The following PAH variants were observed in gnomAD, a reference collection of about 807,000 sequenced individuals.
PAH encodes phenylalanine-4-hydroxylase.
Under a neutral mutation model 62.0 loss-of-function variants are expected in PAH, and 64 were observed. The observed-to-expected ratio is 1.03, with a 90% CI of 0.84 to 1.27. The LOEUF (loss-of-function observed/expected upper bound fraction) is 1.27, where lower values mean the gene tolerates loss of function less well. Among genes scored for constraint, PAH ranks in the 50% most tolerant of loss-of-function variants. The pLI is 0.00. For synonymous variants in PAH, 195 were observed against 196.2 expected (o/e 0.99, Z 0.05); for missense variants, 579 against 542.8 (o/e 1.07, Z -0.66).
At chr12:102,945,335 G>T (rs1879454478) in intron 1 of PAH, among the ~76,000 whole-genome samples, 1 of 152,208 alleles carries the variant, frequency 6.6e-6, no homozygotes, top group South Asian at 2.1e-4. Flanking sequence ...GGCAAAGCCA[G>T]CCAGGGTGAC....
In PAH at chr12:102,867,940, CAT is replaced by C. The variant is rs1565854368; in HGVS notation, c.442-1279_442-1278del. 9.7e-4 allele frequency among the ~76,000 whole-genome samples: 134 copies of C among 137,632 alleles called. 1 individual carries two copies. The highest frequency in any genetic ancestry group is 2.4e-3 in the South Asian group (10 of 4,198). The allele number at this position is 137,632 out of a possible 152,430, so 90.3% of individuals were successfully genotyped here. ...ATATACATATATAGATGTATATATA[CAT>C]GTATATACATATATAGATGTATATA... On this transcript the variant is annotated intron_variant, in intron 4 of 12. Transcript: ENST00000553106.
chr12:102,880,463 G>A (rs935497821), intron 3 of PAH, among the ~76,000 whole-genome samples: 1 of 152,138 alleles, frequency 6.6e-6, no homozygotes, highest in Non-Finnish European at 1.5e-5. Flanking sequence ...CAGGACCATG[G>A]ATAATCTCAT....
chr12:102,891,081 C>T (rs527709237), intron 3 of PAH, among the ~76,000 whole-genome samples: 114 of 152,048 alleles, frequency 7.5e-4, no homozygotes, highest in Non-Finnish European at 1.0e-3. Flanking sequence ...GAGGCTCCAT[C>T]TCAAAAAAAG....
In PAH at chr12:102,898,760, T is replaced by C. The variant is rs184287159; in HGVS notation, c.169-3842A>G. Among the ~76,000 whole-genome samples, 408 of 152,314 alleles carry C rather than the reference T, an allele frequency of 2.7e-3. 2 individuals carry two copies. The highest frequency in any genetic ancestry group is 9.0e-3 in the African/African-American group (375 of 41,562). On this transcript the variant is annotated intron_variant, in intron 2 of 12. Coordinates refer to ENST00000553106, the MANE Select transcript of PAH (RefSeq NM_000277.3). The stretch of plus-strand genomic sequence containing the variant: ...CCCATTTTTTTTCTAATTTCAGTCA[T>C]TAGTTTTTTAACCACACTGCCTTTC...
At chr12:102,874,390 C>T (rs1440775261) in intron 4 of PAH, among the ~76,000 whole-genome samples, 1 of 152,208 alleles carries the variant, frequency 6.6e-6, no homozygotes, top group Non-Finnish European at 1.5e-5. Context: ...CAACCACAGG[C>T]CCCTGGAGGG....
At chr12:102,892,754 C>T (rs568353524) in intron 3 of PAH, among the ~76,000 whole-genome samples, 1 of 152,188 alleles carries the variant, frequency 6.6e-6, no homozygotes, top group Middle Eastern at 3.4e-3. Flanking sequence ...ATGGAGCTAG[C>T]AAAAAGAGCA....
upstream of PAH, among the ~76,000 whole-genome samples, chr12:102,955,802 A>T (rs1418758563): frequency 1.3e-5 from 2 of 152,078 alleles, no homozygotes. Flanking sequence ...TGTGAATCCC[A>T]CGGGGTTCAG....
chr12:102,854,918 A>G (rs991764701), intron 6 of PAH: 12 of 622,288 alleles, frequency 1.9e-5, no homozygotes, highest in Non-Finnish European at 3.5e-5. Flanking sequence ...CCACAGCCTC[A>G]GGTGTTTGAT....
chr12:102,917,008 C>T, intron 1 of PAH, 63 bp downstream of exon 1: 1 of 1,445,058 alleles, frequency 6.9e-7, no homozygotes, highest in Non-Finnish European at 9.7e-7. Context: ...CAGCAGTCTT[C>T]GGATCTCTTT....
At chr12:102,842,871 A>G (rs1302234421) in intron 11 of PAH, among the ~76,000 whole-genome samples, 1 of 152,166 alleles carries the variant, frequency 6.6e-6, no homozygotes, top group Non-Finnish European at 1.5e-5. Flanking sequence ...CCTGTCATCC[A>G]TCACTGATAA....
At chr12:102,909,291 T>G (rs1182200165) in intron 2 of PAH, among the ~76,000 whole-genome samples, 1 of 152,206 alleles carries the variant, frequency 6.6e-6, no homozygotes, top group Non-Finnish European at 1.5e-5. Flanking sequence ...AGATGGAGGT[T>G]ATGGATTGTG....
chr12:102,884,190 C>T (rs1314141550), intron 3 of PAH, among the ~76,000 whole-genome samples: 1 of 152,192 alleles, frequency 6.6e-6, no homozygotes, highest in East Asian at 1.9e-4. Context: ...TCAGACCTAA[C>T]CATTAAGAGA....
chr12:102,931,666 G>A (rs1304293100), intron 1 of PAH, among the ~76,000 whole-genome samples: 1 of 152,142 alleles, frequency 6.6e-6, no homozygotes, highest in Non-Finnish European at 1.5e-5. Flanking sequence ...TCCCTGGGGA[G>A]AGTCAGTTGC....
At chr12:102,909,683 G>C (rs1374374441) in intron 2 of PAH, among the ~76,000 whole-genome samples, 1 of 152,168 alleles carries the variant, frequency 6.6e-6, no homozygotes, top group Non-Finnish European at 1.5e-5. Flanking sequence ...AATTGGCCCT[G>C]GCTGGTAGCT....
At chr12:102,940,508 A>G (rs1266599244) in intron 1 of PAH, among the ~76,000 whole-genome samples, 1 of 152,238 alleles carries the variant, frequency 6.6e-6, no homozygotes, top group Non-Finnish European at 1.5e-5. Flanking sequence ...GAGCTGAATG[A>G]CTCACTACAA....
intron 3 of PAH, among the ~76,000 whole-genome samples, chr12:102,883,412 G>A (rs907937108): frequency 2.1e-4 from 32 of 152,188 alleles, no homozygotes; most frequent in Non-Finnish European, 1.0e-4. Context: ...AGCAGAACCA[G>A]CATATTTCTA....
Position 102,957,030 on chromosome 12 carries a change from C to CT in PAH, c.-96+1164dup, listed in dbSNP as rs1433885489. On this transcript the variant is annotated intron_variant, in intron 1 of 4. Transcript: ENST00000551337. This position sits in a 1 kb window ranked among gnomAD's most constrained non-coding sequence, Gnocchi z 4.1. Reference sequence around the variant, plus strand: ...ACCCACGTTTTCACATAGTCCAGCACTTTTTTTCACTGTTCTGGACGGAGT... The same window carrying CT: ...ACCCACGTTTTCACATAGTCCAGCACTTTTTTTTCACTGTTCTGGACGGAGT... Among the ~76,000 whole-genome samples, 1 of 152,258 alleles carries CT rather than the reference C, an allele frequency of 6.6e-6. No individual in the cohort carries two copies. The highest frequency in any genetic ancestry group is 2.1e-4 in the South Asian group (1 of 4,820).
chr12:102,889,846 G>A (rs1877204658), intron 3 of PAH, among the ~76,000 whole-genome samples: 1 of 152,174 alleles, frequency 6.6e-6, no homozygotes. Context: ...GTAATGTCAT[G>A]CAGTCGACTC....
rs1442070049 is a variant in PAH, at chr12:102,843,556, G to A, written c.1199+90C>T. On this transcript the variant is annotated intron_variant, in intron 11 of 12. Coordinates refer to ENST00000553106, the MANE Select transcript of PAH (RefSeq NM_000277.3). ...TGGTACAAAGTTGCTGTAGACATTGGAGTCCACTCTCCTGGCCAACCACCC... is the reference window on the plus strand; with the variant it reads ...TGGTACAAAGTTGCTGTAGACATTGAAGTCCACTCTCCTGGCCAACCACCC... The A allele has an allele frequency of 2.4e-6, 3 of 1,273,124 alleles. No homozygotes were observed. The East Asian group carries it at 7.0e-5, about 30-fold the overall frequency. 78.9% of individuals were successfully genotyped at this position (1,273,124 alleles called of 1,614,324 possible).
Sources: allele counts gnomAD v4.1 joint callset (sites outside exome capture counted in the v4.1 genomes callset), GRCh38; gene constraint gnomAD v4.1.1; non-coding constraint Gnocchi (gnomAD v3.1); transcripts MANE v1.5; gene names NCBI Gene and HGNC (gene_info 2026-07-23, HGNC 2026-07-21).